DBF4B: variants seen among roughly 807,000 people sequenced by gnomAD.
DBF4B encodes the protein DBF4B-CDC7 kinase regulatory subunit, also known as protein DBF4 homolog B.
In DBF4B, 49 loss-of-function variants were observed where a neutral mutation model predicts 53.4. That is an observed-to-expected ratio of 0.92 (90% confidence interval 0.73 to 1.16). DBF4B has a LOEUF of 1.16. Ranked by LOEUF, DBF4B falls within the 50% of genes most tolerant of loss-of-function variation. The pLI, the probability that DBF4B is intolerant of heterozygous loss-of-function variation, is 0.00. For synonymous variants in DBF4B, 257 were observed against 288.7 expected, an observed-to-expected ratio of 0.89 and a Z score of 1.11; for missense variants, 692 against 775.0, an observed-to-expected ratio of 0.89 and a Z score of 1.27.
intron 2 of DBF4B, among the ~76,000 whole-genome samples, chr17:44,714,103 G>C (rs1315164338): frequency 6.6e-5 from 10 of 152,140 alleles, no homozygotes; most frequent in Non-Finnish European, 1.5e-4. Flanking sequence ...GTTTTCACTT[G>C]TAAGTGGGAG....
At position 44,749,098 on chromosome 17, in the gene DBF4B, C is replaced by G; in HGVS notation, c.1189+633C>G. Reference sequence around the variant, plus strand: ...AGCTCCAGGCTGGCCATCAGCTCCCCTGTACTCAGCTACCAGTGTGCAGCC... The same window carrying G: ...AGCTCCAGGCTGGCCATCAGCTCCCGTGTACTCAGCTACCAGTGTGCAGCC... On this transcript the variant is annotated intron_variant, in intron 13 of 13. Transcript: ENST00000315005. This position sits in a 1 kb window ranked among gnomAD's most constrained non-coding sequence, Gnocchi z 4.4. The G allele has an allele frequency of 7.8e-7, 1 of 1,289,778 alleles. No individual in the cohort carries two copies. Among genetic ancestry groups the G allele is most frequent in the Non-Finnish European group, 1.0e-6 (1 of 988,842 alleles). The allele number at this position is 1,289,778 out of a possible 1,614,324, so 79.9% of individuals were successfully genotyped here.
intron 4 of DBF4B, among the ~76,000 whole-genome samples, chr17:44,730,441 G>A (rs1486966683): frequency 6.6e-6 from 1 of 152,146 alleles, no homozygotes; most frequent in African/African-American, 2.4e-5. Context: ...TTCCTTGCTT[G>A]CATGTATGAA....
At position 44,730,949 on chromosome 17, in the gene DBF4B, C is replaced by T; in HGVS notation, c.418-16C>T. The T allele has an allele frequency of 6.2e-7, 1 of 1,613,722 alleles. No individual in the cohort carries two copies. Among genetic ancestry groups the T allele is most frequent in the Non-Finnish European group, 8.5e-7 (1 of 1,179,754 alleles). ...TGGCCTAACAGCAGACCTCACTGCT[C>T]TTCTGTCCCTGTCAGGTGCCTCTAA... On this transcript the variant is annotated splice_polypyrimidine_tract_variant and intron_variant, in intron 4 of 13. Coordinates refer to ENST00000315005, the MANE Select transcript of DBF4B (RefSeq NM_145663.3).
chr17:44,712,301 CTT>C (rs1163777667), intron 2 of DBF4B, among the ~76,000 whole-genome samples: 5,473 of 71,602 alleles, frequency 0.076, 41 homozygotes, highest in East Asian at 0.12. Flanking sequence ...ATTATGTCTT[CTT>C]TTTTTTTTTT....
rs1568189034 is a variant in DBF4B at position 44,738,425 on chromosome 17, G to T, written c.713+1G>T. 6.2e-7 allele frequency: 1 copy of T among 1,613,598 alleles called. No individual in the cohort carries two copies. Among genetic ancestry groups the T allele is most frequent in the East Asian group, 2.2e-5 (1 of 44,880 alleles). On this transcript the variant is annotated splice_donor_variant, in intron 9 of 13. Coordinates refer to ENST00000315005, the MANE Select transcript of DBF4B (RefSeq NM_145663.3). LOFTEE classifies it high-confidence loss of function. Reference sequence around the variant, plus strand: ...TCCTCAAAATCGAAGATGAAAGCAGGTGAGTGGGACCTCCTTTCTCTGCTT... The same window carrying T: ...TCCTCAAAATCGAAGATGAAAGCAGTTGAGTGGGACCTCCTTTCTCTGCTT...
At chr17:44,734,305 C>T in intron 7 of DBF4B, 142 bp downstream of exon 7, 2 of 1,027,664 alleles carry the variant, frequency 1.9e-6, no homozygotes, top group Non-Finnish European at 2.9e-6. Flanking sequence ...TCTTATTTAC[C>T]TCAGTCCTAG....
At chr17:44,739,636 G>A (rs1488063715) in intron 9 of DBF4B, among the ~76,000 whole-genome samples, 1 of 152,238 alleles carries the variant, frequency 6.6e-6, no homozygotes, top group Non-Finnish European at 1.5e-5. Flanking sequence ...TGCAACGGCT[G>A]AAAGGCACTG....
intron 2 of DBF4B, among the ~76,000 whole-genome samples, chr17:44,714,771 A>G (rs935730750): frequency 6.6e-6 from 1 of 152,062 alleles, no homozygotes; most frequent in African/African-American, 2.4e-5. Context: ...CTGGTCTTGA[A>G]GTCCTGAGCT....
intron 7 of DBF4B, among the ~76,000 whole-genome samples, chr17:44,735,446 G>A (rs114616352): frequency 0.012 from 1,880 of 152,322 alleles, 41 homozygotes; most frequent in African/African-American, 0.041. Context: ...ACCGAGGCAG[G>A]TGAATCGCTT....
At chr17:44,733,924 C>A (rs954508184) in intron 6 of DBF4B, 166 bp from the exon 7 acceptor site, 1 of 614,766 alleles carries the variant, frequency 1.6e-6, no homozygotes. Context: ...CCTTAACCTC[C>A]GCTGTCAGGA....
intron 2 of DBF4B, among the ~76,000 whole-genome samples, chr17:44,710,795 A>T (rs1266284287): frequency 6.6e-6 from 1 of 151,046 alleles, no homozygotes. Flanking sequence ...CCGGTCTTCA[A>T]CTCCTGGGCT....
chr17:44,709,397 G>T, intron 2 of DBF4B, 31 bp downstream of exon 2: 1 of 1,613,330 alleles, frequency 6.2e-7, no homozygotes, highest in Non-Finnish European at 8.5e-7. Context: ...AGGGACGTGA[G>T]GTGAAAATTG....
rs139304142 is a variant in DBF4B at position 44,738,322 on chromosome 17, T to A, written c.668-57T>A. 1.5e-5 allele frequency: 24 copies of A among 1,570,796 alleles called. 1 individual carries two copies. The East Asian group carries it at 5.4e-4, about 35-fold the overall frequency. ...CTCTCAGCATTTCCTGCATGTGTGG[T>A]GCAGGCCCTGCACAGGGGCAGACAG... is the stretch of plus-strand genomic sequence containing the variant. On this transcript the variant is annotated intron_variant, in intron 8 of 13. Coordinates refer to ENST00000315005, the MANE Select transcript of DBF4B (RefSeq NM_145663.3).
chr17:44,748,563 C>T (rs756569878), intron 13 of DBF4B, 98 bp downstream of exon 13: 6 of 1,570,502 alleles, frequency 3.8e-6, no homozygotes, highest in Non-Finnish European at 5.2e-6. Context: ...GCTGCCAGGA[C>T]CTGGGGGTGT....
intron 2 of DBF4B, among the ~76,000 whole-genome samples, chr17:44,714,495 A>G (rs1296052040): frequency 6.6e-6 from 1 of 152,072 alleles, no homozygotes; most frequent in Non-Finnish European, 1.5e-5. Flanking sequence ...AACTTTCACT[A>G]AACAAGTAAG....
In DBF4B at chr17:44,752,132, A is replaced by G. The variant is rs1011948013; in HGVS notation, c.*879A>G. 4.9e-6 allele frequency: 4 copies of G among 811,264 alleles called. No individual in the cohort carries two copies. The highest frequency in any genetic ancestry group is 8.0e-6 in the Non-Finnish European group (4 of 501,012). 50.3% of individuals were successfully genotyped at this position (811,264 alleles called of 1,614,324 possible). A position where few individuals can be genotyped will look rare whatever the true frequency, so the allele number is the denominator to read the frequency against. On this transcript the variant is annotated 3_prime_UTR_variant, in exon 14 of 14. Coordinates refer to ENST00000315005, the MANE Select transcript of DBF4B (RefSeq NM_145663.3). The stretch of plus-strand genomic sequence containing the variant: ...TTCTGCTGGGTGGAATGCAGGAGCT[A>G]GCTGCCTCCAACTCACTGTGACCTC...
intron 5 of DBF4B, chr17:44,731,877 G>C (rs1974870980): frequency 6.3e-6 from 2 of 315,342 alleles, no homozygotes; most frequent in South Asian, 5.0e-5. Context: ...TCCTCGCAGA[G>C]GCCCTCCCAA....
intron 2 of DBF4B, among the ~76,000 whole-genome samples, chr17:44,715,437 T>C (rs1370389400): frequency 6.6e-6 from 1 of 152,102 alleles, no homozygotes; most frequent in Non-Finnish European, 1.5e-5. Context: ...CCTCAGGTGA[T>C]CCACCCATCT....
At chr17:44,740,179 GAAGA>G (rs971197300) in intron 9 of DBF4B, among the ~76,000 whole-genome samples, 1 of 152,198 alleles carries the variant, frequency 6.6e-6, no homozygotes, top group African/African-American at 2.4e-5. Context: ...TATCATTGAA[GAAGA>G]AAGAAACATG....
Sources: allele counts gnomAD v4.1 joint callset (sites outside exome capture counted in the v4.1 genomes callset), GRCh38; gene constraint gnomAD v4.1.1; non-coding constraint Gnocchi (gnomAD v3.1); transcripts MANE v1.5; gene names NCBI Gene and HGNC (gene_info 2026-07-23, HGNC 2026-07-21).